DLG2: variants seen among roughly 807,000 people sequenced by gnomAD.
DLG2 encodes disks large homolog 2.
In DLG2, 45 loss-of-function variants were observed where a neutral mutation model predicts 132.5. That is an observed-to-expected ratio of 0.34 (90% CI 0.27 to 0.44). The LOEUF (loss-of-function observed/expected upper bound fraction) is 0.44. Among genes scored for constraint, DLG2 ranks in the 20% least tolerant of loss-of-function variants. DLG2 has a pLI of 1.00. For missense variants in DLG2, 1,045 were observed against 1,196.9 expected, an observed-to-expected ratio of 0.87 and a Z score of 1.87; for synonymous variants, 424 against 419.6, an observed-to-expected ratio of 1.01 and a Z score of -0.13.
rs115761324 is a variant in DLG2, at chr11:85,359,914, G to T, written c.41-74549C>A. Among the ~76,000 whole-genome samples, 330 of 152,150 alleles carry T rather than the reference G, an allele frequency of 2.2e-3. 1 individual carries two copies. The highest frequency in any genetic ancestry group is 7.7e-3 in the African/African-American group (320 of 41,532). ...GATCATGTCTAAAGAACTATCGTGT[G>T]AAAAAAATGGTTTATATAACCAAGT... On this transcript the variant is annotated intron_variant, in intron 3 of 27. Transcript: ENST00000376104.
intron 9 of DLG2, among the ~76,000 whole-genome samples, chr11:84,127,523 C>T (rs1431732887): frequency 2.6e-5 from 4 of 152,150 alleles, no homozygotes; most frequent in African/African-American, 7.2e-5. Context: ...ATGTCTATCT[C>T]CTAACTTCTG....
intron 11 of DLG2, among the ~76,000 whole-genome samples, chr11:84,001,655 C>T (rs867825919): frequency 2.0e-5 from 3 of 152,036 alleles, no homozygotes; most frequent in South Asian, 2.1e-4. Flanking sequence ...TTCTTATCAG[C>T]GCATGAAACA....
At chr11:83,987,932 C>A (rs1419643001) in intron 11 of DLG2, among the ~76,000 whole-genome samples, 2 of 152,054 alleles carry the variant, frequency 1.3e-5, no homozygotes, top group African/African-American at 4.8e-5. Flanking sequence ...GCATGGGTGT[C>A]TTCTTTTGAG....
intron 17 of DLG2, among the ~76,000 whole-genome samples, chr11:83,817,673 A>G (rs2049426530): frequency 6.6e-6 from 1 of 152,118 alleles, no homozygotes; most frequent in African/African-American, 2.4e-5. Context: ...CCAAGAGTTG[A>G]AAAACAGCCT....
rs569536156 is a variant in DLG2, at chr11:84,385,568, G to A, written c.520-134277C>T. Among the ~76,000 whole-genome samples the A allele has an allele frequency of 3.7e-4, 56 of 152,198 alleles. 1 individual carries two copies. The South Asian group carries it at 0.011, about 30-fold the overall frequency. On this transcript the variant is annotated intron_variant, in intron 7 of 27. Transcript: ENST00000376104. ...AAATAAATAGTATGCATAAGGTGGT[G>A]CCTCCTTTGGGGAATTATTAATAGT... is the stretch of plus-strand genomic sequence containing the variant.
At chr11:83,538,527 T>C (rs772473039) in intron 20 of DLG2, among the ~76,000 whole-genome samples, 3 of 152,226 alleles carry the variant, frequency 2.0e-5, no homozygotes, top group Admixed American at 6.5e-5. Context: ...GTTCCTGGTG[T>C]AGTGTAAAGC....
intron 7 of DLG2, among the ~76,000 whole-genome samples, chr11:84,346,564 T>C (rs12799235): frequency 6.6e-6 from 1 of 152,234 alleles, no homozygotes; most frequent in African/African-American, 2.4e-5. Context: ...TTACTGACTG[T>C]AATCTGGAGA....
intron 9 of DLG2, among the ~76,000 whole-genome samples, chr11:84,125,279 T>C (rs1425258772): frequency 1.3e-5 from 2 of 152,310 alleles, no homozygotes; most frequent in African/African-American, 2.4e-5. Context: ...ACAGCACTTA[T>C]AATACTACAA....
intron 3 of DLG2, among the ~76,000 whole-genome samples, chr11:85,537,998 C>T (rs2075712651): frequency 6.6e-6 from 1 of 151,882 alleles, no homozygotes; most frequent in African/African-American, 2.4e-5. Flanking sequence ...CACCTGTAAT[C>T]CCAGCTACTT....
At chr11:85,263,753 A>G (rs535137284) in intron 4 of DLG2, among the ~76,000 whole-genome samples, 10 of 152,302 alleles carry the variant, frequency 6.6e-5, no homozygotes, top group Admixed American at 5.2e-4. Context: ...ATGCTGTCCA[A>G]TGAGAGATTG....
intron 18 of DLG2, among the ~76,000 whole-genome samples, chr11:83,768,203 C>G (rs971829890): frequency 7.2e-5 from 11 of 152,190 alleles, no homozygotes; most frequent in Non-Finnish European, 8.8e-5. Flanking sequence ...TGATTATAAC[C>G]TCAGCAACAT....
intron 6 of DLG2, among the ~76,000 whole-genome samples, chr11:84,832,440 T>G (rs1243419891): frequency 1.3e-5 from 2 of 151,650 alleles, no homozygotes; most frequent in Non-Finnish European, 3.0e-5. Flanking sequence ...TGGCCTTTCT[T>G]GACTTCCAAA....
chr11:84,600,790 C>G (rs2099575104), intron 6 of DLG2, among the ~76,000 whole-genome samples: 1 of 152,044 alleles, frequency 6.6e-6, no homozygotes, highest in Non-Finnish European at 1.5e-5. Flanking sequence ...CCAAAGAAAT[C>G]TGCGAAATGA....
At chr11:85,398,735 G>A (rs1457002035) in intron 3 of DLG2, among the ~76,000 whole-genome samples, 2 of 152,080 alleles carry the variant, frequency 1.3e-5, no homozygotes, top group Non-Finnish European at 2.9e-5. Flanking sequence ...GGAAGAAGTT[G>A]AATCTCTGAA....
intron 5 of DLG2, 115 bp downstream of exon 5, chr11:85,154,441 A>G (rs2077466828): frequency 1.7e-6 from 1 of 576,400 alleles, no homozygotes; most frequent in Admixed American, 3.7e-5. Flanking sequence ...CCAAAGCTAG[A>G]AATTAGGTTA....
At chr11:83,840,695 A>G (rs1413703481) in intron 16 of DLG2, among the ~76,000 whole-genome samples, 1 of 152,218 alleles carries the variant, frequency 6.6e-6, no homozygotes. Context: ...AATGGTTAAA[A>G]AAGGTAAAAG....
At chr11:85,124,171 A>G (rs2074780778) in intron 5 of DLG2, among the ~76,000 whole-genome samples, 1 of 152,250 alleles carries the variant, frequency 6.6e-6, no homozygotes, top group African/African-American at 2.4e-5. Flanking sequence ...GTATGTTGGC[A>G]CTAGCTACTC....
At chr11:84,262,315 T>C (rs2097557550) in intron 7 of DLG2, among the ~76,000 whole-genome samples, 1 of 152,156 alleles carries the variant, frequency 6.6e-6, no homozygotes, top group African/African-American at 2.4e-5. Context: ...ACTGTACATT[T>C]CAGGAGAAGT....
At chr11:84,785,977 A>C (rs11234182) in intron 6 of DLG2, among the ~76,000 whole-genome samples, 41,683 of 151,862 alleles carry the variant, frequency 0.27, 6,290 homozygotes, top group Middle Eastern at 0.32. Flanking sequence ...TCCCAAGAAG[A>C]TCTGTTACCT....
Sources: gnomAD v4.1 joint callset for allele counts (sites outside exome capture counted in the v4.1 genomes callset) on GRCh38, gnomAD v4.1.1 for gene constraint, MANE v1.5 for transcripts, NCBI Gene and HGNC (gene_info 2026-07-23, HGNC 2026-07-21) for gene names.